MYO3B: variants seen among roughly 807,000 people sequenced by gnomAD.
MYO3B encodes the protein myosin-IIIb.
A neutral mutation model predicts 174.6 loss-of-function variants in MYO3B; 156 were observed. The observed-to-expected ratio is 0.89, with a 90% confidence interval of 0.78 to 1.02. The LOEUF (loss-of-function observed/expected upper bound fraction) is 1.02, where lower values mean the gene tolerates loss of function less well. MYO3B is among the 50% of genes least tolerant of loss of function. The pLI, the probability that MYO3B is intolerant of heterozygous loss-of-function variation, is 0.00. For missense variants in MYO3B, 1,632 were observed against 1,639.4 expected (o/e 1.00, Z 0.08); for synonymous variants, 563 against 569.1 (o/e 0.99, Z 0.15).
intron 7 of MYO3B, among the ~76,000 whole-genome samples, chr2:170,260,790 G>A (rs1415678222): frequency 6.6e-6 from 1 of 152,210 alleles, no homozygotes; most frequent in Non-Finnish European, 1.5e-5. Flanking sequence ...ATTGGAATGG[G>A]ACCTGGGGTG....
intron 13 of MYO3B, 36 bp from the exon 14 acceptor site, chr2:170,387,070 T>C (rs1423796147): frequency 6.2e-7 from 1 of 1,607,716 alleles, no homozygotes; most frequent in Admixed American, 1.7e-5. Context: ...GTAATGTTTC[T>C]GGAGTCTCTT....
chr2:170,310,369 A>C (rs1326793183), intron 7 of MYO3B, among the ~76,000 whole-genome samples: 1 of 152,168 alleles, frequency 6.6e-6, no homozygotes, highest in African/African-American at 2.4e-5. Context: ...AATACATTTA[A>C]GAAATACACT....
intron 9 of MYO3B, among the ~76,000 whole-genome samples, chr2:170,374,725 AT>A (rs2094276133): frequency 6.8e-6 from 1 of 147,078 alleles, no homozygotes; most frequent in Admixed American, 6.9e-5. Context: ...ATTCATCCCT[AT>A]TTCACTCTCT....
At chr2:170,242,125 C>G (rs2093141260) in intron 7 of MYO3B, among the ~76,000 whole-genome samples, 1 of 152,124 alleles carries the variant, frequency 6.6e-6, no homozygotes, top group Non-Finnish European at 1.5e-5. Flanking sequence ...GTATTGGTTT[C>G]TCTTCACCAA....
intron 1 of MYO3B, among the ~76,000 whole-genome samples, chr2:170,195,343 AAGAACGGC>A (rs891561817): frequency 2.0e-5 from 3 of 152,102 alleles, no homozygotes; most frequent in Non-Finnish European, 4.4e-5. Context: ...AGAAGAACAG[AAGAACGGC>A]AGAACGGCAC....
chr2:170,272,272 T>C (rs991327435), intron 7 of MYO3B, among the ~76,000 whole-genome samples: 3 of 152,078 alleles, frequency 2.0e-5, no homozygotes, highest in Non-Finnish European at 4.4e-5. Flanking sequence ...ACAAGCCCTG[T>C]GGGTGCTTCT....
intron 7 of MYO3B, among the ~76,000 whole-genome samples, chr2:170,318,371 GAC>G (rs1394835145): frequency 2.0e-5 from 3 of 152,122 alleles, no homozygotes; most frequent in Non-Finnish European, 4.4e-5. Context: ...TTATTCCACT[GAC>G]ACACTGATTT....
chr2:170,257,290 TTC>T (rs1473351426), intron 7 of MYO3B, among the ~76,000 whole-genome samples: 1 of 152,160 alleles, frequency 6.6e-6, no homozygotes, highest in Non-Finnish European at 1.5e-5. Context: ...ATATACATTC[TTC>T]TCATCTCCAT....
At chr2:170,426,038 C>A (rs1380833174) in intron 22 of MYO3B, among the ~76,000 whole-genome samples, 2 of 150,548 alleles carry the variant, frequency 1.3e-5, no homozygotes, top group Admixed American at 1.3e-4. Flanking sequence ...AAATATGAGA[C>A]AAAAGTAAGT....
At chr2:170,586,390 T>A (rs571086473) in intron 32 of MYO3B, among the ~76,000 whole-genome samples, 32 of 152,274 alleles carry the variant, frequency 2.1e-4, no homozygotes, top group Middle Eastern at 3.4e-3. Flanking sequence ...ACCAACGTGA[T>A]TTATGTGTTT....
chr2:170,630,051 CT>C (rs1339461910), intron 32 of MYO3B, among the ~76,000 whole-genome samples: 1 of 152,182 alleles, frequency 6.6e-6, no homozygotes, highest in Non-Finnish European at 1.5e-5. Context: ...CTCATTGAGA[CT>C]GGTCAGAAAG....
At chr2:170,288,770 A>G (rs1156554912) in intron 7 of MYO3B, among the ~76,000 whole-genome samples, 4 of 152,068 alleles carry the variant, frequency 2.6e-5, no homozygotes, top group African/African-American at 9.7e-5. Context: ...AAGAGAAGTG[A>G]AAGTGGGCAT....
intron 7 of MYO3B, among the ~76,000 whole-genome samples, chr2:170,252,683 T>C (rs1276130577): frequency 6.6e-6 from 1 of 152,138 alleles, no homozygotes; most frequent in Non-Finnish European, 1.5e-5. Context: ...TGTCCCTGTA[T>C]GAAGAAAAAT....
At chr2:170,427,297 G>A (rs926106136) in intron 22 of MYO3B, among the ~76,000 whole-genome samples, 18 of 152,036 alleles carry the variant, frequency 1.2e-4, no homozygotes, top group Non-Finnish European at 1.8e-4. Flanking sequence ...TAATTGCATC[G>A]CAAGTCTGTC....
At chr2:170,387,030 C>T in intron 13 of MYO3B, 76 bp from the exon 14 acceptor site, 1 of 1,443,134 alleles carries the variant, frequency 6.9e-7, no homozygotes, top group Non-Finnish European at 9.7e-7. Flanking sequence ...TTTTGGTGGG[C>T]AAGGGATGGT....
chr2:170,473,819 G>T (rs1334104805), intron 25 of MYO3B, among the ~76,000 whole-genome samples: 2 of 152,094 alleles, frequency 1.3e-5, no homozygotes, highest in African/African-American at 4.8e-5. Flanking sequence ...TCGTTTTCCA[G>T]CTTCTTCTCT....
chr2:170,227,121 C>T (rs560298764), intron 6 of MYO3B, among the ~76,000 whole-genome samples: 4 of 152,268 alleles, frequency 2.6e-5, no homozygotes, highest in South Asian at 2.1e-4. Flanking sequence ...TGCTTCCTTG[C>T]CTGATGGCCA....
intron 19 of MYO3B, 93 bp from the exon 20 acceptor site, chr2:170,404,154 A>G: frequency 7.8e-7 from 1 of 1,278,830 alleles, no homozygotes; most frequent in Non-Finnish European, 1.1e-6. Context: ...CATGCATTCA[A>G]TGTTGCTAGA....
At chr2:170,521,594 C>A (rs749894585) in intron 30 of MYO3B, among the ~76,000 whole-genome samples, 4 of 152,212 alleles carry the variant, frequency 2.6e-5, no homozygotes, top group Non-Finnish European at 4.4e-5. Flanking sequence ...ATCTCACAGA[C>A]CCCAGATCCT....
Sources: allele counts gnomAD v4.1 joint callset (sites outside exome capture counted in the v4.1 genomes callset), GRCh38; gene constraint gnomAD v4.1.1; transcripts MANE v1.5; gene names NCBI Gene and HGNC (gene_info 2026-07-23, HGNC 2026-07-21).